REV3L: variants seen among roughly 807,000 people sequenced by gnomAD.
The protein encoded by REV3L is DNA polymerase zeta catalytic subunit.
In REV3L, 69 loss-of-function variants were observed where a neutral mutation model predicts 299.4. The ratio of observed to expected loss-of-function variants is 0.23; its 90% CI spans 0.19 to 0.28. REV3L has a LOEUF of 0.28. Ranked by LOEUF, REV3L falls within the 10% of genes least tolerant of loss-of-function variation. The pLI is 1.00. For synonymous variants in REV3L, 1,238 were observed against 1,271.4 expected, an observed-to-expected ratio of 0.97 and a Z score of 0.56; for missense variants, 3,128 against 3,693.8, an observed-to-expected ratio of 0.85 and a Z score of 3.97.
At chr6:111,314,453 A>G (rs1242398866) in intron 27 of REV3L, among the ~76,000 whole-genome samples, 1 of 152,142 alleles carries the variant, frequency 6.6e-6, no homozygotes, top group Non-Finnish European at 1.5e-5. Flanking sequence ...TCATGTTGTG[A>G]GGGAGAACAA....
intron 4 of REV3L, 110 bp downstream of exon 4, chr6:111,405,360 T>A (rs1783516005): frequency 1.5e-6 from 1 of 646,174 alleles, no homozygotes; most frequent in East Asian, 3.4e-5. Context: ...CTTTAGTCAC[T>A]CAACATTTAT....
chr6:111,349,078 AT>A (rs1188145433), intron 20 of REV3L, 139 bp downstream of exon 20: 5 of 529,554 alleles, frequency 9.4e-6, no homozygotes, highest in Non-Finnish European at 1.7e-5. Context: ...AGAAAGTACT[AT>A]TTTAACTCTA....
chr6:111,411,656 ACG>A lies in REV3L; in HGVS notation c.330-104_330-103del, dbSNP rs1784263587. On this transcript the variant is annotated intron_variant, in intron 2 of 31. Transcript: ENST00000368802. ...GATTCAGCTGGCCAAATTCAGTCTT[ACG>A]TTTAATATTATCCACCCCCCAAAAA... is the stretch of plus-strand genomic sequence containing the variant. 6 of 765,778 alleles carry A rather than the reference ACG, an allele frequency of 7.8e-6. No homozygotes were observed. The East Asian group carries it at 1.6e-4, about 21-fold the overall frequency. 47.4% of individuals were successfully genotyped at this position (765,778 alleles called of 1,614,324 possible). A position where few individuals can be genotyped will look rare whatever the true frequency, so the allele number is the denominator to read the frequency against.
Position 111,335,549 on chromosome 6 carries a change from G to C in REV3L, c.7600C>G (p.Leu2534Val), listed in dbSNP as rs1184103622. 1.2e-6 allele frequency: 2 copies of C among 1,613,258 alleles called. No homozygotes were observed. Among genetic ancestry groups the C allele is most frequent in the Admixed American group, 3.3e-5 (2 of 59,938 alleles). Reference sequence around the variant, plus strand: ...TCACTGGTTTTCCCAATCAGGTCCAGCTGTTCTAACATTTGGAGATTTCCA... The same window carrying C: ...TCACTGGTTTTCCCAATCAGGTCCACCTGTTCTAACATTTGGAGATTTCCA... ...VRGNLQMLEQ[L>V]DLIGKTSEMA... The change falls in exon 22 of 32, where the codon CTG becomes GTG. Residue 2534 changes from leucine (L) to valine (V), a missense_variant. By Grantham distance (32) the Leu-to-Val change is conservative (BLOSUM62 1). Around this residue, in one of 9 missense-constraint regions of REV3L, gnomAD observed 149 missense variants for 286.4 expected, o/e 0.52. Transcript: ENST00000368802.
In REV3L at chr6:111,370,720, CA is replaced by C. The variant is rs1050117974; in HGVS notation, c.5759+1875del. 3.3e-4 allele frequency among the ~76,000 whole-genome samples: 50 copies of C among 150,866 alleles called. 1 individual carries two copies. The highest frequency in any genetic ancestry group is 1.2e-3 in the African/African-American group (49 of 41,216). On this transcript the variant is annotated intron_variant, in intron 13 of 31. Transcript: ENST00000368802. ...AAACTTTTTTAAAAAGATATTTTAA[CA>C]GCTTTAGGTTGACAGCAAAATTGAA...
chr6:111,474,988 T>TACACAC (rs36213449), intron 1 of REV3L, among the ~76,000 whole-genome samples: 82 of 145,938 alleles, frequency 5.6e-4, no homozygotes, highest in African/African-American at 1.8e-3. Flanking sequence ...TGCCTATATA[T>TACACAC]ACACACACAC....
chr6:111,309,697 G>T, intron 30 of REV3L, 156 bp downstream of exon 30: 1 of 764,246 alleles, frequency 1.3e-6, no homozygotes, highest in Non-Finnish European at 2.0e-6. Context: ...TCTCTACCCA[G>T]CACTTCCCCT....
At chr6:111,452,902 G>T (rs1789723860) in intron 1 of REV3L, among the ~76,000 whole-genome samples, 2 of 151,958 alleles carry the variant, frequency 1.3e-5, no homozygotes, top group South Asian at 4.1e-4. Context: ...AATAGCAATA[G>T]GTAGGAAAGT....
At chr6:111,459,979 A>C (rs1460736097) in intron 1 of REV3L, among the ~76,000 whole-genome samples, 2 of 152,156 alleles carry the variant, frequency 1.3e-5, no homozygotes, top group East Asian at 3.8e-4. Flanking sequence ...TGTGTTCATC[A>C]CAGCACTATT....
intron 18 of REV3L, among the ~76,000 whole-genome samples, chr6:111,352,012 CTTT>C (rs879816515): frequency 1.4e-5 from 2 of 143,872 alleles, no homozygotes; most frequent in Non-Finnish European, 3.1e-5. Flanking sequence ...TTCTTTCTTT[CTTT>C]TTTTTTTTTG....
intron 1 of REV3L, among the ~76,000 whole-genome samples, chr6:111,454,067 C>A (rs1385418545): frequency 6.6e-6 from 1 of 151,426 alleles, no homozygotes; most frequent in Non-Finnish European, 1.5e-5. Context: ...GTTTCTTAGA[C>A]AATATCCCAT....
intron 1 of REV3L, among the ~76,000 whole-genome samples, chr6:111,450,478 C>CAAAAAAAAAAAAA (rs869119350): frequency 3.7e-5 from 2 of 54,106 alleles, no homozygotes; most frequent in Non-Finnish European, 5.6e-5. Flanking sequence ...GACCCTGTCT[C>CAAAAAAAAAAAAA]AAAAAAAAAA....
chr6:111,413,459 C>A (rs549218197), intron 2 of REV3L, among the ~76,000 whole-genome samples: 131 of 152,124 alleles, frequency 8.6e-4, no homozygotes, highest in Admixed American at 4.7e-3. Context: ...AGAAGATTCT[C>A]TAAAATCATG....
Position 111,376,586 on chromosome 6 carries a change from A to G in REV3L, c.1769T>C (p.Leu590Ser), listed in dbSNP as rs1780339669. The change falls in exon 13 of 32, where the codon TTG (leucine) becomes TCG (serine). Residue 590 changes from leucine (L) to serine (S), a missense_variant. Physicochemically the swap from Leu to Ser is moderately radical, Grantham distance 145. Coordinates refer to ENST00000368802, the MANE Select transcript of REV3L (RefSeq NM_001372078.1). ...GTCTTCAATTAAATCTTCCTTGTTC[A>G]AAACATGGGAAGAAAGGGCACTTGT... is the stretch of plus-strand genomic sequence containing the variant. ...KHTSALSSHVLNKEDLIEDLS... is the reference protein window; with the variant it reads ...KHTSALSSHVSNKEDLIEDLS... 6.2e-7 allele frequency: 1 copy of G among 1,613,194 alleles called. No individual in the cohort carries two copies. Among genetic ancestry groups the G allele is most frequent in the African/African-American group, 1.3e-5 (1 of 74,916 alleles).
intron 26 of REV3L, among the ~76,000 whole-genome samples, chr6:111,316,492 C>T (rs1317861787): frequency 6.6e-6 from 1 of 151,598 alleles, no homozygotes; most frequent in African/African-American, 2.4e-5. Flanking sequence ...GGCAAAATCC[C>T]GTCTCTACTA....
chr6:111,343,649 C>T (rs1218574397), intron 21 of REV3L, among the ~76,000 whole-genome samples: 1 of 152,186 alleles, frequency 6.6e-6, no homozygotes, highest in Non-Finnish European at 1.5e-5. Context: ...CCTGCCTTAG[C>T]CTCCTGAGTA....
At chr6:111,354,653 T>G (rs537976758) in intron 18 of REV3L, among the ~76,000 whole-genome samples, 125 of 152,292 alleles carry the variant, frequency 8.2e-4, no homozygotes, top group Middle Eastern at 6.8e-3. Flanking sequence ...TAAAAACATT[T>G]GGAGACAATA....
chr6:111,362,539 T>C (rs886883307), intron 16 of REV3L, among the ~76,000 whole-genome samples: 4 of 152,200 alleles, frequency 2.6e-5, no homozygotes, highest in African/African-American at 9.6e-5. Context: ...TAAAGTTTTC[T>C]AGTAGTCACA....
chr6:111,480,889 A>G (rs1055178135), intron 1 of REV3L, among the ~76,000 whole-genome samples: 9 of 148,014 alleles, frequency 6.1e-5, no homozygotes, highest in African/African-American at 1.5e-4. Context: ...GATGTCCATG[A>G]AGGATTAAAT....
Sources: gnomAD v4.1 joint callset for allele counts (sites outside exome capture counted in the v4.1 genomes callset) on GRCh38, gnomAD v4.1.1 for gene constraint, gnomAD v4.1.1 regional missense constraint, MANE v1.5 for transcripts, NCBI Gene and HGNC (gene_info 2026-07-23, HGNC 2026-07-21) for gene names.